The following KRTAP19-2 variants were observed in gnomAD, a reference collection of about 807,000 sequenced individuals.
KRTAP19-2 encodes the protein keratin-associated protein 19-2.
In KRTAP19-2, 2 loss-of-function variants were observed where a neutral mutation model predicts 0.3. That is an observed-to-expected ratio of 6.87 (90% confidence interval 2.81 to 21.61). The LOEUF is 21.61. KRTAP19-2 is among the 30% of genes most tolerant of loss of function. The pLI is 0.03. For missense variants in KRTAP19-2, 63 were observed against 63.1 expected, an observed-to-expected ratio of 1.00 and a Z score of 0.00; for synonymous variants, 31 against 24.6, an observed-to-expected ratio of 1.26 and a Z score of -0.77.
chr21:30,487,211 A>G lies in KRTAP19-2; in HGVS notation c.138T>C (p.Tyr46=). 1.2e-6 allele frequency: 2 copies of G among 1,614,144 alleles called. No individual in the cohort carries two copies. Among genetic ancestry groups the G allele is most frequent in the Non-Finnish European group, 1.7e-6 (2 of 1,180,012 alleles). ...CAGCTTAGTAGAAGCCAGTGAATCT[A>G]TATCTTCTGTAGCATGATGGGCAGC... ...GCCCPSCYRR[Y]RFTGFY The change falls in exon 1 of 1, where the codon TAT becomes TAC. Residue 46 remains tyrosine (Y), a synonymous_variant. Transcript: ENST00000334055.
At position 30,487,370 on chromosome 21, in the gene KRTAP19-2, A is replaced by G. The variant is rs1356973444; in HGVS notation, c.-22T>C. On this transcript the variant is annotated 5_prime_UTR_variant, in exon 1 of 1. An upstream start codon of the reference 5' UTR is lost. Transcript: ENST00000334055. Reference sequence around the variant, plus strand: ...ACATGCCACCAAAGCCTCCACAGCCATAGCCCAGACCTCCACAGTAGCTGC... The same window carrying G: ...ACATGCCACCAAAGCCTCCACAGCCGTAGCCCAGACCTCCACAGTAGCTGC... 2 of 1,613,886 alleles carry G rather than the reference A, an allele frequency of 1.2e-6. No individual in the cohort carries two copies. Among genetic ancestry groups the G allele is most frequent in the Admixed American group, 3.3e-5 (2 of 60,012 alleles).
At position 30,487,319 on chromosome 21, in the gene KRTAP19-2, G is replaced by A; in HGVS notation, c.30C>T (p.Gly10=). 6.2e-7 allele frequency: 1 copy of A among 1,613,920 alleles called. No individual in the cohort carries two copies. Among genetic ancestry groups the A allele is most frequent in the African/African-American group, 1.3e-5 (1 of 74,990 alleles). Reference sequence around the variant, plus strand: ...AGCCATAGCCCAGTCTGCAGAAGCTGCCACATCCACAGCCGTAGCCATAGC... The same window carrying A: ...AGCCATAGCCCAGTCTGCAGAAGCTACCACATCCACAGCCGTAGCCATAGC... MCYGYGCGC[G]SFCRLGYGCG... The change falls in exon 1 of 1, where the codon GGC becomes GGT. Residue 10 remains glycine (G), a synonymous_variant. Coordinates refer to ENST00000334055, the MANE Select transcript of KRTAP19-2 (RefSeq NM_181608.2).
rs143538137 is a variant in KRTAP19-2 at position 30,487,349 on chromosome 21, G to A, written c.-1C>T. The A allele has an allele frequency of 2.6e-4, 414 of 1,610,406 alleles. 1 individual carries two copies. The African/African-American group carries it at 4.6e-3, about 18-fold the overall frequency. On this transcript the variant is annotated 5_prime_UTR_variant, in exon 1 of 1. Coordinates refer to ENST00000334055, the MANE Select transcript of KRTAP19-2 (RefSeq NM_181608.2). The stretch of plus-strand genomic sequence containing the variant: ...ATCCACAGCCGTAGCCATAGCACAT[G>A]CCACCAAAGCCTCCACAGCCATAGC...
At position 30,487,231 on chromosome 21, in the gene KRTAP19-2, G is replaced by GGCA; in HGVS notation, c.115_117dup (p.Cys39dup). ...AATCTATATCTTCTGTAGCATGATG[G>GGCA]GCAGCAGCAGCCATCTCCACAGCCT... On this transcript the variant is annotated inframe_insertion, in exon 1 of 1. Transcript: ENST00000334055. 1 of 1,614,090 alleles carries GGCA rather than the reference G, an allele frequency of 6.2e-7. No homozygotes were observed. The highest frequency in any genetic ancestry group is 8.5e-7 in the Non-Finnish European group (1 of 1,180,026).
the KRTAP19-2 span, chr21:30,487,197 AAGCC>A: frequency 6.2e-7 from 1 of 1,614,170 alleles, no homozygotes; most frequent in Non-Finnish European, 8.5e-7. Flanking sequence ...AGCTTAGTAG[AAGCC>A]AGTGAATCTA....
rs144484216 is a variant in KRTAP19-2 at position 30,487,334 on chromosome 21, G to A, written c.15C>T (p.Tyr5=). ...TGCAGAAGCTGCCACATCCACAGCC[G>A]TAGCCATAGCACATGCCACCAAAGC... MCYG[Y]GCGCGSFCRL... is the part of the protein sequence containing the mutation. Residue 5 remains tyrosine, a synonymous_variant, in exon 1 of 1, where the codon TAC becomes TAT. Transcript: ENST00000334055. 1.6e-4 allele frequency: 251 copies of A among 1,610,418 alleles called. No individual in the cohort carries two copies. The highest frequency in any genetic ancestry group is 7.9e-4 in the African/African-American group (59 of 74,936).
chr21:30,487,249 C>T lies in KRTAP19-2; in HGVS notation c.100G>A (p.Gly34Arg). 1.2e-6 allele frequency: 2 copies of T among 1,614,168 alleles called. No individual in the cohort carries two copies. Among genetic ancestry groups the T allele is most frequent in the Non-Finnish European group, 1.7e-6 (2 of 1,180,018 alleles). Residue 34 changes from glycine to arginine, a missense_variant, in exon 1 of 1, where the codon GGA (glycine) becomes AGA (arginine). Coordinates refer to ENST00000334055, the MANE Select transcript of KRTAP19-2 (RefSeq NM_181608.2). ...CRYGCGHRGC[G>R]DGCCCPSCYR... Reference sequence around the variant, plus strand: ...CATGATGGGCAGCAGCAGCCATCTCCACAGCCTCTGTGGCCACAACCATAT... The same window carrying T: ...CATGATGGGCAGCAGCAGCCATCTCTACAGCCTCTGTGGCCACAACCATAT...
rs926004579 is a variant in KRTAP19-2 at position 30,487,435 on chromosome 21, G to A, written c.-87C>T. 10 of 1,602,166 alleles carry A rather than the reference G, an allele frequency of 6.2e-6. No individual in the cohort carries two copies. Among genetic ancestry groups the A allele is most frequent in the Admixed American group, 3.4e-5 (2 of 59,496 alleles). ...GTGTCAGAGATAGTGAGTTGGGTTT[G>A]CTGTCCCAGGCAAGGTCCTGAGTGT... On this transcript the variant is annotated 5_prime_UTR_variant, in exon 1 of 1. Transcript: ENST00000334055.
rs369193393 is a variant in KRTAP19-2 at position 30,487,394 on chromosome 21, G to T, written c.-46C>A. The T allele has an allele frequency of 2.5e-6, 4 of 1,613,488 alleles. No homozygotes were observed. The highest frequency in any genetic ancestry group is 3.4e-6 in the Non-Finnish European group (4 of 1,179,654). ...CATAGCCCAGACCTCCACAGTAGCTGCCCTAGTAGCTCACGGTGTCAGAGA... is the reference window on the plus strand; with the variant it reads ...CATAGCCCAGACCTCCACAGTAGCTTCCCTAGTAGCTCACGGTGTCAGAGA... On this transcript the variant is annotated 5_prime_UTR_variant, in exon 1 of 1. Transcript: ENST00000334055.
chr21:30,487,181 AG>A lies in KRTAP19-2; in HGVS notation c.*8del. On this transcript the variant is annotated 3_prime_UTR_variant, in exon 1 of 1. Coordinates refer to ENST00000334055, the MANE Select transcript of KRTAP19-2 (RefSeq NM_181608.2). ...AAAATAACAGATGCTGCATCACTAG[AG>A]CAGCAGCTTAGTAGAAGCCAGTGAA... 1.9e-6 allele frequency: 3 copies of A among 1,607,912 alleles called. No homozygotes were observed. The Middle Eastern group carries it at 5.0e-4, about 265-fold the overall frequency.
rs768458769 is a variant in KRTAP19-2, at chr21:30,487,371, T to C, written c.-23A>G. On this transcript the variant is annotated 5_prime_UTR_variant, in exon 1 of 1. An upstream start codon of the reference 5' UTR is lost. Coordinates refer to ENST00000334055, the MANE Select transcript of KRTAP19-2 (RefSeq NM_181608.2). ...CATGCCACCAAAGCCTCCACAGCCA[T>C]AGCCCAGACCTCCACAGTAGCTGCC... The C allele has an allele frequency of 6.2e-7, 1 of 1,613,872 alleles. No individual in the cohort carries two copies. Among genetic ancestry groups the C allele is most frequent in the Non-Finnish European group, 8.5e-7 (1 of 1,179,834 alleles).
Position 30,487,257 on chromosome 21 carries a change from C to T in KRTAP19-2, c.92G>A (p.Arg31Lys). ...GCAGCAGCAGCCATCTCCACAGCCT[C>T]TGTGGCCACAACCATATCTGCATCC... ...YEGCRYGCGHRGCGDGCCCPS... is the reference protein window; with the variant it reads ...YEGCRYGCGHKGCGDGCCCPS... Residue 31 changes from arginine to lysine, a missense_variant, in exon 1 of 1, where the codon AGA becomes AAA. By Grantham distance (26) the Arg-to-Lys change is conservative (BLOSUM62 2). Coordinates refer to ENST00000334055, the MANE Select transcript of KRTAP19-2 (RefSeq NM_181608.2). The T allele has an allele frequency of 6.2e-7, 1 of 1,614,168 alleles. No individual in the cohort carries two copies. The highest frequency in any genetic ancestry group is 1.6e-4 in the Middle Eastern group (1 of 6,062).
At position 30,487,361 on chromosome 21, in the gene KRTAP19-2, T is replaced by C. The variant is rs566847374; in HGVS notation, c.-13A>G. The C allele has an allele frequency of 7.5e-6, 12 of 1,610,016 alleles. No homozygotes were observed. The highest frequency in any genetic ancestry group is 1.3e-5 in the African/African-American group (1 of 74,742). On this transcript the variant is annotated 5_prime_UTR_variant, in exon 1 of 1. Transcript: ENST00000334055. ...AGCCATAGCACATGCCACCAAAGCC[T>C]CCACAGCCATAGCCCAGACCTCCAC...
In KRTAP19-2 at chr21:30,487,122, C is replaced by T. The variant is rs570304634; in HGVS notation, c.*68G>A. The T allele has an allele frequency of 3.2e-3, 4,902 of 1,517,810 alleles. 27 individuals are homozygous for T. Among genetic ancestry groups the T allele is most frequent in the South Asian group, 0.011 (978 of 87,444 alleles). The allele number at this position is 1,517,810 out of a possible 1,614,324, so 94.0% of individuals were successfully genotyped here. On this transcript the variant is annotated 3_prime_UTR_variant, in exon 1 of 1. Coordinates refer to ENST00000334055, the MANE Select transcript of KRTAP19-2 (RefSeq NM_181608.2). Reference sequence around the variant, plus strand: ...ATTTACACCTTTACCCCCATTGTATCTTAGAAGTAAGTAACTTGTTTTTAA... The same window carrying T: ...ATTTACACCTTTACCCCCATTGTATTTTAGAAGTAAGTAACTTGTTTTTAA...
Position 30,487,313 on chromosome 21 carries a change from G to A in KRTAP19-2, c.36C>T (p.Phe12=), listed in dbSNP as rs761689156. Residue 12 remains phenylalanine, a synonymous_variant, in exon 1 of 1, where the codon TTC becomes TTT. Transcript: ENST00000334055. The part of the protein sequence containing the change: ...CYGYGCGCGS[F]CRLGYGCGYE... ...AGCCGCAGCCATAGCCCAGTCTGCA[G>A]AAGCTGCCACATCCACAGCCGTAGC... is the stretch of plus-strand genomic sequence containing the variant. 4 of 1,613,892 alleles carry A rather than the reference G, an allele frequency of 2.5e-6. No homozygotes were observed. The East Asian group carries it at 8.9e-5, about 36-fold the overall frequency.
At position 30,487,219 on chromosome 21, in the gene KRTAP19-2, T is replaced by C; in HGVS notation, c.130A>G (p.Arg44Gly). 2 of 1,614,186 alleles carry C rather than the reference T, an allele frequency of 1.2e-6. No individual in the cohort carries two copies. The highest frequency in any genetic ancestry group is 8.5e-7 in the Non-Finnish European group (1 of 1,180,038). The change falls in exon 1 of 1, where the codon AGA becomes GGA. Residue 44 changes from arginine (R) to glycine (G), a missense_variant. Arg to Gly is a moderately radical substitution (Grantham distance 125). Coordinates refer to ENST00000334055, the MANE Select transcript of KRTAP19-2 (RefSeq NM_181608.2). ...GDGCCCPSCY[R>G]RYRFTGFY ...TAGAAGCCAGTGAATCTATATCTTC[T>C]GTAGCATGATGGGCAGCAGCAGCCA...
chr21:30,487,364 A>G lies in KRTAP19-2; in HGVS notation c.-16T>C, dbSNP rs534078139. 6.2e-7 allele frequency: 1 copy of G among 1,610,256 alleles called. No individual in the cohort carries two copies. Among genetic ancestry groups the G allele is most frequent in the South Asian group, 1.1e-5 (1 of 90,870 alleles). ...CATAGCACATGCCACCAAAGCCTCC[A>G]CAGCCATAGCCCAGACCTCCACAGT... is the stretch of plus-strand genomic sequence containing the variant. On this transcript the variant is annotated 5_prime_UTR_variant, in exon 1 of 1. Coordinates refer to ENST00000334055, the MANE Select transcript of KRTAP19-2 (RefSeq NM_181608.2).
In KRTAP19-2 at chr21:30,487,058, T is replaced by C. The variant is rs1985878121; in HGVS notation, c.*132A>G. On this transcript the variant is annotated 3_prime_UTR_variant, in exon 1 of 1. Coordinates refer to ENST00000334055, the MANE Select transcript of KRTAP19-2 (RefSeq NM_181608.2). ...GTTTGGGGTCTTATAGCCCCTTTGT[T>C]TTGGTCAATTTCTCCCTTTGGAATG... is the stretch of plus-strand genomic sequence containing the variant. The C allele has an allele frequency of 5.3e-6, 5 of 947,728 alleles. No homozygotes were observed. In the African/African-American group the frequency reaches 6.5e-5, roughly 12 times the overall value. 58.7% of individuals were successfully genotyped at this position (947,728 alleles called of 1,614,324 possible).
rs974009695 is a variant in KRTAP19-2, at chr21:30,487,380, C to T, written c.-32G>A. On this transcript the variant is annotated 5_prime_UTR_variant, in exon 1 of 1. Coordinates refer to ENST00000334055, the MANE Select transcript of KRTAP19-2 (RefSeq NM_181608.2). ...AAAGCCTCCACAGCCATAGCCCAGA[C>T]CTCCACAGTAGCTGCCCTAGTAGCT... The T allele has an allele frequency of 2.2e-5, 36 of 1,613,828 alleles. No homozygotes were observed. The highest frequency in any genetic ancestry group is 3.0e-5 in the Non-Finnish European group (35 of 1,179,900).
Sources: allele counts gnomAD v4.1 joint callset, GRCh38; gene constraint gnomAD v4.1.1; transcripts MANE v1.5; gene names NCBI Gene and HGNC (gene_info 2026-07-23, HGNC 2026-07-21).